Variants in TMTC4 observed in about 807,000 individuals in gnomAD.
TMTC4 encodes transmembrane O-mannosyltransferase targeting cadherins 4.
TMTC4 carries 65 observed loss-of-function variants against 86.0 expected under a neutral mutation model. That is an observed-to-expected ratio of 0.76 (90% CI 0.62 to 0.93). The LOEUF is 0.93. Among genes scored for constraint, TMTC4 ranks in the 40% least tolerant of loss-of-function variants. TMTC4 has a pLI of 0.00. For missense variants in TMTC4, 866 were observed against 948.1 expected, an observed-to-expected ratio of 0.91 and a Z score of 1.14; for synonymous variants, 379 against 382.5, an observed-to-expected ratio of 0.99 and a Z score of 0.11.
chr13:100,640,068 C>T (rs1402852018), intron 7 of TMTC4, among the ~76,000 whole-genome samples: 1 of 152,138 alleles, frequency 6.6e-6, no homozygotes, highest in Non-Finnish European at 1.5e-5. Context: ...GGCCTGGGAT[C>T]CTGAATTCCT....
chr13:100,611,673 A>C (rs545356072), intron 17 of TMTC4, among the ~76,000 whole-genome samples: 10 of 152,352 alleles, frequency 6.6e-5, no homozygotes, highest in Admixed American at 5.9e-4. Context: ...TCTGGGGAGA[A>C]TCTGGGCATC....
At chr13:100,675,037 G>T, upstream of TMTC4, 2 of 985,656 alleles carry the variant, frequency 2.0e-6, no homozygotes, top group Non-Finnish European at 2.4e-6. Context: ...GGCGCTAGTC[G>T]GCGGCGAAGG....
At chr13:100,664,734 C>G (rs1178482614) in intron 3 of TMTC4, among the ~76,000 whole-genome samples, 1 of 152,186 alleles carries the variant, frequency 6.6e-6, no homozygotes, top group African/African-American at 2.4e-5. Context: ...TGGCTCTGCC[C>G]TTCCTGAGCT....
At position 100,670,367 on chromosome 13, in the gene TMTC4, T is replaced by C; in HGVS notation, c.-5A>G. On this transcript the variant is annotated 5_prime_UTR_variant, in exon 2 of 19. The change abolishes an upstream ATG in the 5' untranslated region. Transcript: ENST00000342624. The stretch of plus-strand genomic sequence containing the variant: ...ACAGGCAACGGGACACACCATTCCA[T>C]GGTGATGCTGTCCCCTTCCAGGGGC... The C allele has an allele frequency of 1.2e-6, 2 of 1,609,112 alleles. No individual in the cohort carries two copies. The highest frequency in any genetic ancestry group is 8.5e-7 in the Non-Finnish European group (1 of 1,178,124).
intron 2 of TMTC4, among the ~76,000 whole-genome samples, chr13:100,669,514 G>A (rs148815027): frequency 4.3e-4 from 66 of 152,284 alleles, no homozygotes; most frequent in African/African-American, 1.5e-3. Context: ...CTTCAATCCT[G>A]GTGAAAGAGT....
At chr13:100,625,982 G>A in intron 13 of TMTC4, 89 bp downstream of exon 13, 6 of 1,594,952 alleles carry the variant, frequency 3.8e-6, no homozygotes, top group African/African-American at 1.3e-5. Context: ...ATATTGTAAA[G>A]TTGGGGTCTT....
intron 6 of TMTC4, among the ~76,000 whole-genome samples, chr13:100,643,608 G>C (rs1440521356): frequency 6.6e-6 from 1 of 152,218 alleles, no homozygotes; most frequent in African/African-American, 2.4e-5. Flanking sequence ...GTAGAGGAGG[G>C]AGAAAGTCTT....
intron 15 of TMTC4, chr13:100,624,829 G>A (rs942091430): frequency 2.6e-4 from 40 of 152,250 alleles, no homozygotes; most frequent in African/African-American, 8.9e-4. Context: ...AGGAACATAT[G>A]TATTTGTTTT....
At chr13:100,628,491 T>C (rs1880873374) in intron 12 of TMTC4, among the ~76,000 whole-genome samples, 1 of 152,168 alleles carries the variant, frequency 6.6e-6, no homozygotes, top group African/African-American at 2.4e-5. Flanking sequence ...CTGCTTTCGG[T>C]CCTTTTGGAT....
At chr13:100,664,032 C>T (rs569811056) in intron 4 of TMTC4, among the ~76,000 whole-genome samples, 189 bp downstream of exon 4, 14 of 152,262 alleles carry the variant, frequency 9.2e-5, no homozygotes, top group African/African-American at 2.2e-4. Flanking sequence ...CCAATGTGCA[C>T]GTCATCCTTC....
intron 6 of TMTC4, among the ~76,000 whole-genome samples, chr13:100,644,636 G>T (rs555302156): frequency 1.3e-5 from 2 of 152,248 alleles, no homozygotes; most frequent in South Asian, 4.1e-4. Flanking sequence ...TTTTTGGGGG[G>T]AGAATCTCTG....
chr13:100,619,028 G>A (rs1481789898), intron 15 of TMTC4, among the ~76,000 whole-genome samples: 3 of 152,300 alleles, frequency 2.0e-5, no homozygotes, highest in Admixed American at 6.5e-5. Context: ...TGGGGCGGCC[G>A]GCCGGGCAGA....
At chr13:100,620,161 C>T (rs1371904150) in intron 15 of TMTC4, among the ~76,000 whole-genome samples, 2 of 152,216 alleles carry the variant, frequency 1.3e-5, no homozygotes, top group Non-Finnish European at 2.9e-5. Flanking sequence ...TACGCTTACC[C>T]TTCTGTACTC....
At chr13:100,642,091 G>T in intron 7 of TMTC4, 120 bp downstream of exon 7, 1 of 981,376 alleles carries the variant, frequency 1.0e-6, no homozygotes, top group Non-Finnish European at 1.5e-6. Flanking sequence ...TATCACCTCA[G>T]GCCAGCAATG....
intron 1 of TMTC4, chr13:100,674,268 A>C: frequency 1.0e-6 from 1 of 978,404 alleles, no homozygotes; most frequent in East Asian, 1.2e-4. Context: ...CCGCCGCGGA[A>C]CCCAGGGCAG....
In TMTC4 at chr13:100,636,647, T is replaced by C; in HGVS notation, c.1087A>G (p.Ile363Val). 1 of 1,614,224 alleles carries C rather than the reference T, an allele frequency of 6.2e-7. No individual in the cohort carries two copies. Among genetic ancestry groups the C allele is most frequent in the African/African-American group, 1.3e-5 (1 of 75,054 alleles). Residue 363 changes from isoleucine (I) to valine (V), a missense_variant, in exon 10 of 19, where the codon ATC becomes GTC. By Grantham distance (29) the Ile-to-Val change is conservative (BLOSUM62 3). Coordinates refer to ENST00000342624, the MANE Select transcript of TMTC4 (RefSeq NM_032813.5). ...WLCFDWSMGC[I>V]PLIKSISDWR... ...TCGCTGATGGACTTAATGAGGGGGA[T>C]GCAGCCCATTGACCAATCAAAACAC... is the stretch of plus-strand genomic sequence containing the variant.
intron 7 of TMTC4, 118 bp from the exon 8 acceptor site, chr13:100,638,140 G>C: frequency 2.8e-6 from 2 of 703,544 alleles, no homozygotes; most frequent in South Asian, 4.0e-5. Context: ...AGAGAATCAC[G>C]GAAGACCTCT....
chr13:100,657,536 G>T (rs1432257785), intron 5 of TMTC4, among the ~76,000 whole-genome samples: 1 of 149,594 alleles, frequency 6.7e-6, no homozygotes, highest in Non-Finnish European at 1.5e-5. Flanking sequence ...TGTTGTACGT[G>T]ATGAAAGACA....
chr13:100,632,051 A>ACTCTCT (rs1368407089), intron 12 of TMTC4, among the ~76,000 whole-genome samples: 21 of 28,594 alleles, frequency 7.3e-4, no homozygotes, highest in African/African-American at 1.2e-3. Context: ...ACACACACAC[A>ACTCTCT]CACTCTCTCT....
Sources: gnomAD v4.1 joint callset for allele counts (sites outside exome capture counted in the v4.1 genomes callset) on GRCh38, gnomAD v4.1.1 for gene constraint, MANE v1.5 for transcripts, NCBI Gene and HGNC (gene_info 2026-07-23, HGNC 2026-07-21) for gene names.